Variants in ANO2 observed in about 807,000 individuals in gnomAD.
ANO2 encodes anoctamin-2.
A neutral mutation model predicts 124.2 loss-of-function variants in ANO2; 101 were observed. The observed-to-expected ratio is 0.81, with a 90% CI of 0.69 to 0.96. ANO2 has a LOEUF of 0.96. ANO2 is among the 40% of genes least tolerant of loss of function. The pLI is 0.00. For missense variants in ANO2, 1,293 were observed against 1,274.5 expected (o/e 1.01, Z -0.22); for synonymous variants, 486 against 482.5 (o/e 1.01, Z -0.09).
chr12:5,744,141 G>A lies in ANO2; in HGVS notation c.1351+16C>T, dbSNP rs1951190774. 6.2e-7 allele frequency: 1 copy of A among 1,613,008 alleles called. No individual in the cohort carries two copies. Among genetic ancestry groups the A allele is most frequent in the Non-Finnish European group, 8.5e-7 (1 of 1,179,814 alleles). On this transcript the variant is annotated intron_variant, in intron 12 of 24. Coordinates refer to ENST00000682330, the MANE Select transcript of ANO2 (RefSeq NM_001364791.2). ...AGGAACCACCCATATAAGCAAGCCTGGTGATGGCCACATACCCCACAGAGC... is the reference window on the plus strand; with the variant it reads ...AGGAACCACCCATATAAGCAAGCCTAGTGATGGCCACATACCCCACAGAGC...
intron 14 of ANO2, among the ~76,000 whole-genome samples, chr12:5,666,359 G>A (rs1947715374): frequency 1.3e-5 from 2 of 152,138 alleles, no homozygotes; most frequent in Non-Finnish European, 2.9e-5. Context: ...GGGAAGGAAC[G>A]AGAGCCTCAA....
In ANO2 at chr12:5,806,042, G is replaced by A. The variant is rs752279125; in HGVS notation, c.990+10C>T. On this transcript the variant is annotated intron_variant, in intron 9 of 24. Coordinates refer to ENST00000682330, the MANE Select transcript of ANO2 (RefSeq NM_001364791.2). ...CCCAAAGTCCAGGATGCTGCACGAG[G>A]CAGGCTTACCTTCCTGTCATTCATA... is the stretch of plus-strand genomic sequence containing the variant. 20 of 1,613,324 alleles carry A rather than the reference G, an allele frequency of 1.2e-5. No homozygotes were observed. The highest frequency in any genetic ancestry group is 5.0e-5 in the Admixed American group (3 of 59,948).
intron 16 of ANO2, among the ~76,000 whole-genome samples, chr12:5,619,870 C>T (rs900113802): frequency 6.6e-6 from 1 of 152,248 alleles, no homozygotes; most frequent in Non-Finnish European, 1.5e-5. Flanking sequence ...CTGGGACAGG[C>T]AGGTCCTGAG....
At chr12:5,883,502 GGT>G (rs5796191) in intron 3 of ANO2, among the ~76,000 whole-genome samples, 60,639 of 144,368 alleles carry the variant, frequency 0.42, 12,682 homozygotes, top group South Asian at 0.51. Context: ...ACATTAGGGT[GGT>G]GTGTGTGTGT....
intron 7 of ANO2, among the ~76,000 whole-genome samples, chr12:5,815,449 C>T (rs897199019): frequency 3.3e-5 from 5 of 152,052 alleles, no homozygotes; most frequent in African/African-American, 7.3e-5. Context: ...ATTTGTCATA[C>T]GCCTTTATGT....
At chr12:5,587,536 T>C (rs1396338276) in intron 20 of ANO2, among the ~76,000 whole-genome samples, 1 of 152,194 alleles carries the variant, frequency 6.6e-6, no homozygotes, top group Non-Finnish European at 1.5e-5. Flanking sequence ...CCTGCGGCAA[T>C]GGAGCTTTGA....
At chr12:5,880,430 A>C (rs1938404621) in intron 3 of ANO2, among the ~76,000 whole-genome samples, 1 of 151,014 alleles carries the variant, frequency 6.6e-6, no homozygotes, top group Non-Finnish European at 1.5e-5. Flanking sequence ...GGAAAGGAAA[A>C]AGGAGAGAAA....
intron 16 of ANO2, among the ~76,000 whole-genome samples, chr12:5,619,392 G>A (rs2136916018): frequency 6.6e-6 from 1 of 152,358 alleles, no homozygotes; most frequent in South Asian, 2.1e-4. Flanking sequence ...GGTTATTGCA[G>A]GAAGAATAAC....
intron 4 of ANO2, among the ~76,000 whole-genome samples, chr12:5,840,355 C>T (rs1448297152): frequency 2.0e-5 from 3 of 152,118 alleles, no homozygotes; most frequent in Admixed American, 6.5e-5. Flanking sequence ...TCTTGTCTCC[C>T]TCAGCCTCTC....
chr12:5,623,238 G>T (rs1945216804), intron 16 of ANO2, among the ~76,000 whole-genome samples: 1 of 152,148 alleles, frequency 6.6e-6, no homozygotes, highest in Non-Finnish European at 1.5e-5. Flanking sequence ...CGATGGAGGG[G>T]AATCTAATGG....
At chr12:5,922,169 C>A (rs1216495273) in intron 2 of ANO2, among the ~76,000 whole-genome samples, 2 of 152,264 alleles carry the variant, frequency 1.3e-5, no homozygotes, top group Middle Eastern at 3.4e-3. Flanking sequence ...AGAGAGAACA[C>A]GATGAAGCAG....
intron 10 of ANO2, among the ~76,000 whole-genome samples, chr12:5,781,210 A>T (rs1162685700): frequency 6.6e-6 from 1 of 152,242 alleles, no homozygotes; most frequent in Non-Finnish European, 1.5e-5. Context: ...TTATGGGTGA[A>T]GACAATGGCC....
intron 19 of ANO2, among the ~76,000 whole-genome samples, chr12:5,604,357 T>C (rs1944105945): frequency 6.6e-6 from 1 of 152,204 alleles, no homozygotes; most frequent in South Asian, 2.1e-4. Flanking sequence ...AGTAGAGATG[T>C]CCAGTAGGCA....
At chr12:5,773,733 C>G (rs1221933627) in intron 10 of ANO2, among the ~76,000 whole-genome samples, 5 of 152,178 alleles carry the variant, frequency 3.3e-5, no homozygotes, top group African/African-American at 1.2e-4. Flanking sequence ...CCACCGCCCC[C>G]TACAGCAGGA....
chr12:5,572,590 G>A (rs1942188763), intron 23 of ANO2, among the ~76,000 whole-genome samples: 1 of 152,160 alleles, frequency 6.6e-6, no homozygotes, highest in Admixed American at 6.5e-5. Context: ...TCCATCTAGA[G>A]TTCTTGAGGG....
intron 19 of ANO2, among the ~76,000 whole-genome samples, chr12:5,604,569 T>C (rs573214762): frequency 6.6e-6 from 1 of 152,222 alleles, no homozygotes; most frequent in East Asian, 1.9e-4. Flanking sequence ...AGAAGGCAAC[T>C]GTAAGACTGT....
At chr12:5,919,571 G>A (rs1941577802) in intron 3 of ANO2, among the ~76,000 whole-genome samples, 1 of 151,996 alleles carries the variant, frequency 6.6e-6, no homozygotes, top group Admixed American at 6.5e-5. Context: ...AAAGCAGAGA[G>A]GGCAATAGCA....
intron 14 of ANO2, among the ~76,000 whole-genome samples, chr12:5,721,435 T>C (rs544901505): frequency 1.6e-4 from 24 of 152,334 alleles, no homozygotes; most frequent in Non-Finnish European, 2.5e-4. Context: ...TTTCTGCTCT[T>C]GGCTGTCTGC....
At chr12:5,922,198 C>T (rs1345865769) in intron 2 of ANO2, among the ~76,000 whole-genome samples, 1 of 152,176 alleles carries the variant, frequency 6.6e-6, no homozygotes, top group East Asian at 1.9e-4. Context: ...CCGGCCTCTC[C>T]CCGTGGGTGT....
Sources: gnomAD v4.1 joint callset for allele counts (sites outside exome capture counted in the v4.1 genomes callset) on GRCh38, gnomAD v4.1.1 for gene constraint, MANE v1.5 for transcripts, NCBI Gene and HGNC (gene_info 2026-07-23, HGNC 2026-07-21) for gene names.